The following GRIK4 variants were observed in gnomAD, a reference collection of about 807,000 sequenced individuals.
GRIK4 encodes glutamate receptor ionotropic, kainate 4.
Under a neutral mutation model 104.9 loss-of-function variants are expected in GRIK4, and 40 were observed. The ratio of observed to expected loss-of-function variants is 0.38; its 90% CI spans 0.30 to 0.50. The LOEUF is 0.50. GRIK4 is among the 20% of genes least tolerant of loss of function. GRIK4 has a pLI of 0.93. For missense variants in GRIK4, 1,047 were observed against 1,308.1 expected, an observed-to-expected ratio of 0.80 and a Z score of 3.08; for synonymous variants, 485 against 524.9, an observed-to-expected ratio of 0.92 and a Z score of 1.04.
chr11:120,586,736 G>T (rs925580260), intron 1 of GRIK4, among the ~76,000 whole-genome samples: 1 of 152,108 alleles, frequency 6.6e-6, no homozygotes, highest in Admixed American at 6.5e-5. Flanking sequence ...CCCTTCCTCC[G>T]ACCTGGAGAG....
intron 13 of GRIK4, among the ~76,000 whole-genome samples, chr11:120,923,349 T>C (rs74908422): frequency 0.044 from 6,663 of 149,744 alleles, 198 homozygotes; most frequent in African/African-American, 0.072. Context: ...AATAGAAGAA[T>C]AGCAACGAAC....
intron 7 of GRIK4, among the ~76,000 whole-genome samples, chr11:120,834,926 G>A (rs551290242): frequency 1.5e-3 from 228 of 152,352 alleles, no homozygotes; most frequent in African/African-American, 5.1e-3. Context: ...GGCTCGCTCC[G>A]TGGGTCGCAT....
At chr11:120,789,559 A>G (rs546069769) in intron 3 of GRIK4, among the ~76,000 whole-genome samples, 39 of 152,080 alleles carry the variant, frequency 2.6e-4, no homozygotes, top group Non-Finnish European at 4.9e-4. Flanking sequence ...ACTCCAGTGT[A>G]TCTATGGGAG....
chr11:120,657,538 A>T (rs1214894815), intron 2 of GRIK4, among the ~76,000 whole-genome samples: 2 of 152,166 alleles, frequency 1.3e-5, no homozygotes, highest in Non-Finnish European at 2.9e-5. Flanking sequence ...GACCCTGGGG[A>T]TGCAACAGGA....
intron 11 of GRIK4, among the ~76,000 whole-genome samples, chr11:120,879,326 C>T (rs1404481356): frequency 2.6e-5 from 4 of 152,194 alleles, no homozygotes; most frequent in Admixed American, 6.5e-5. Flanking sequence ...CTGGGCTGGG[C>T]GTTCCTTAAG....
intron 9 of GRIK4, among the ~76,000 whole-genome samples, chr11:120,863,719 G>C (rs779142002): frequency 6.6e-5 from 10 of 152,230 alleles, no homozygotes; most frequent in Admixed American, 2.0e-4. Context: ...GTCATATCTA[G>C]ACATCTATAC....
In GRIK4 at chr11:120,903,869, A is replaced by G. The variant is rs1394324713; in HGVS notation, c.1273-1421A>G. On this transcript the variant is annotated intron_variant, in intron 12 of 20. Transcript: ENST00000527524. The surrounding 1 kb of genome is among the most constrained non-coding windows in gnomAD (Gnocchi z 4.4). ...GCTGCCCCCACCACGCCTGCCTTCAAAAGGTCGGCAGTGACACATGATCAA... is the reference window on the plus strand; with the variant it reads ...GCTGCCCCCACCACGCCTGCCTTCAGAAGGTCGGCAGTGACACATGATCAA... Among the ~76,000 whole-genome samples, 1 of 152,146 alleles carries G rather than the reference A, an allele frequency of 6.6e-6. No individual in the cohort carries two copies. Among genetic ancestry groups the G allele is most frequent in the Admixed American group, 6.5e-5 (1 of 15,284 alleles).
chr11:120,934,927 C>T (rs1298026869), intron 13 of GRIK4, among the ~76,000 whole-genome samples: 2 of 152,100 alleles, frequency 1.3e-5, no homozygotes, highest in East Asian at 1.9e-4. Context: ...CCCTGGGTTA[C>T]GATTTTAGAC....
intron 1 of GRIK4, among the ~76,000 whole-genome samples, chr11:120,641,457 T>C (rs977501991): frequency 1.3e-5 from 2 of 151,806 alleles, no homozygotes; most frequent in Non-Finnish European, 2.9e-5. Context: ...TTTATAGTTG[T>C]TTCTTGATTA....
At position 120,821,939 on chromosome 11, in the gene GRIK4, G is replaced by A. The variant is rs920344841; in HGVS notation, c.511+2019G>A. On this transcript the variant is annotated intron_variant, in intron 6 of 20. Transcript: ENST00000527524. Reference sequence around the variant, plus strand: ...CAATTAACACAGTAAAATCGGTGCGGTGGCTCACACCTGTAATCCCAACAC... The same window carrying A: ...CAATTAACACAGTAAAATCGGTGCGATGGCTCACACCTGTAATCCCAACAC... 2.6e-5 allele frequency among the ~76,000 whole-genome samples: 4 copies of A among 152,312 alleles called. No individual in the cohort carries two copies. In the South Asian group the frequency reaches 8.3e-4, roughly 32 times the overall value.
intron 9 of GRIK4, among the ~76,000 whole-genome samples, chr11:120,862,608 T>C (rs1277896948): frequency 1.3e-5 from 2 of 152,158 alleles, no homozygotes; most frequent in African/African-American, 4.8e-5. Context: ...TCTGGTGCTC[T>C]GTCCACCCCC....
At chr11:120,756,431 A>G (rs1267088698) in intron 3 of GRIK4, among the ~76,000 whole-genome samples, 1 of 152,264 alleles carries the variant, frequency 6.6e-6, no homozygotes, top group East Asian at 1.9e-4. Context: ...ACTGCCCTAC[A>G]GGGAAGGAAA....
chr11:120,827,711 C>G (rs1953304859), intron 6 of GRIK4, among the ~76,000 whole-genome samples: 1 of 152,238 alleles, frequency 6.6e-6, no homozygotes, highest in Admixed American at 6.5e-5. Context: ...TAAAAAGTAT[C>G]CTCTTCTGAT....
At chr11:120,719,674 A>G (rs1950896317) in intron 3 of GRIK4, among the ~76,000 whole-genome samples, 1 of 151,946 alleles carries the variant, frequency 6.6e-6, no homozygotes, top group South Asian at 2.1e-4. Flanking sequence ...ATTCATACAT[A>G]CTCTTTCTCC....
intron 1 of GRIK4, among the ~76,000 whole-genome samples, chr11:120,601,786 A>G (rs1948891027): frequency 6.6e-6 from 1 of 151,494 alleles, no homozygotes; most frequent in South Asian, 2.1e-4. Context: ...GGTGAAAATG[A>G]CTCAGAGCTG....
intron 3 of GRIK4, among the ~76,000 whole-genome samples, chr11:120,714,952 A>G (rs1053405975): frequency 6.6e-6 from 1 of 151,278 alleles, no homozygotes; most frequent in Non-Finnish European, 1.5e-5. Context: ...TATTTTGGAG[A>G]GACTCCTTTA....
chr11:120,522,321 T>C (rs538387648), intron 1 of GRIK4, among the ~76,000 whole-genome samples: 120 of 152,276 alleles, frequency 7.9e-4, no homozygotes, highest in Admixed American at 1.4e-3. Flanking sequence ...TGGGTCTTTT[T>C]TTTCTTTCTT....
chr11:120,831,113 G>T (rs569761555), intron 6 of GRIK4, among the ~76,000 whole-genome samples: 3 of 152,034 alleles, frequency 2.0e-5, no homozygotes, highest in Non-Finnish European at 4.4e-5. Context: ...CCAGATTCTT[G>T]CCTGCTGGAG....
At chr11:120,955,997 C>T (rs1944138026) in intron 15 of GRIK4, among the ~76,000 whole-genome samples, 1 of 152,022 alleles carries the variant, frequency 6.6e-6, no homozygotes, top group African/African-American at 2.4e-5. Flanking sequence ...GAGGCTGGGC[C>T]CAGCCATCTG....
Sources: gnomAD v4.1 joint callset for allele counts (sites outside exome capture counted in the v4.1 genomes callset) on GRCh38, gnomAD v4.1.1 for gene constraint, Gnocchi (gnomAD v3.1) non-coding constraint, MANE v1.5 for transcripts, NCBI Gene and HGNC (gene_info 2026-07-23, HGNC 2026-07-21) for gene names.